Variants in GRM1 observed in about 807,000 individuals in gnomAD.
GRM1 encodes metabotropic glutamate receptor 1.
A neutral mutation model predicts 90.9 loss-of-function variants in GRM1; 33 were observed. The ratio of observed to expected loss-of-function variants is 0.36; its 90% CI spans 0.28 to 0.49. The LOEUF (loss-of-function observed/expected upper bound fraction) is 0.49. Among genes scored for constraint, GRM1 ranks in the 20% least tolerant of loss-of-function variants. GRM1 has a pLI of 0.99. For missense variants in GRM1, 1,190 were observed against 1,534.3 expected (o/e 0.78, Z 3.75); for synonymous variants, 700 against 613.2 (o/e 1.14, Z -2.09).
intron 1 of GRM1, among the ~76,000 whole-genome samples, chr6:146,128,768 C>T (rs1345256746): frequency 2.6e-5 from 4 of 152,118 alleles, no homozygotes; most frequent in Middle Eastern, 6.8e-3. Context: ...TTTGGTGTTT[C>T]CAGAGGTAAA....
At chr6:146,402,024 A>T (rs1777175887) in intron 7 of GRM1, among the ~76,000 whole-genome samples, 1 of 152,132 alleles carries the variant, frequency 6.6e-6, no homozygotes, top group African/African-American at 2.4e-5. Context: ...ACTATTAGAA[A>T]TTTAGAAATT....
At position 146,237,719 on chromosome 6, in the gene GRM1, A is replaced by C. The variant is rs144489854; in HGVS notation, c.951-66892A>C. ...GAGAAATGAGAGTTTGATCAGTGTC[A>C]TTGGTGAACAAGCACAGTAAGACCA... On this transcript the variant is annotated intron_variant, in intron 2 of 7. Transcript: ENST00000282753. Among the ~76,000 whole-genome samples, 465 of 152,212 alleles carry C rather than the reference A, an allele frequency of 3.1e-3. 4 individuals carry two copies. Among genetic ancestry groups the C allele is most frequent in the African/African-American group, 0.011 (445 of 41,552 alleles).
chr6:146,304,596 C>A lies in GRM1; in HGVS notation c.951-15C>A. The A allele has an allele frequency of 1.9e-6, 3 of 1,542,858 alleles. No homozygotes were observed. The highest frequency in any genetic ancestry group is 2.7e-6 in the Non-Finnish European group (3 of 1,115,646). ...TGTCTTTCTCTCTCCCTACCCCAAT[C>A]CCTGCATTTTTTAGTGATGGATGGG... On this transcript the variant is annotated splice_polypyrimidine_tract_variant and intron_variant, in intron 2 of 7. Transcript: ENST00000282753.
intron 1 of GRM1, among the ~76,000 whole-genome samples, chr6:146,096,748 A>G (rs1776887121): frequency 6.6e-6 from 1 of 152,120 alleles, no homozygotes; most frequent in Admixed American, 6.6e-5. Flanking sequence ...CATCATAGGA[A>G]CATGCTTGAG....
chr6:146,416,389 TTTA>T (rs1777784664), intron 7 of GRM1, among the ~76,000 whole-genome samples: 1 of 152,152 alleles, frequency 6.6e-6, no homozygotes, highest in Non-Finnish European at 1.5e-5. Context: ...TCTACATTCT[TTTA>T]TTATTTTTTA....
chr6:146,336,141 C>T (rs1784764463), intron 3 of GRM1, among the ~76,000 whole-genome samples: 1 of 152,166 alleles, frequency 6.6e-6, no homozygotes, highest in African/African-American at 2.4e-5. Flanking sequence ...TAATACACCT[C>T]ACAATCAGTT....
rs1790655320 is a variant in GRM1, at chr6:146,030,192, C to T, written c.675C>T (p.Thr225=). Residue 225 remains threonine (T), a synonymous_variant, in exon 1 of 8, where the codon ACC becomes ACT. Transcript: ENST00000282753. The part of the protein sequence containing the change: ...MLDIVKRYNW[T]YVSAVHTEGN... ...ACATAGTCAAACGTTACAATTGGACCTATGTCTCTGCAGTCCACACGGAAG... is the reference window on the plus strand; with the variant it reads ...ACATAGTCAAACGTTACAATTGGACTTATGTCTCTGCAGTCCACACGGAAG... The T allele has an allele frequency of 1.2e-6, 2 of 1,613,120 alleles. No homozygotes were observed. The highest frequency in any genetic ancestry group is 1.3e-5 in the African/African-American group (1 of 75,020).
intron 2 of GRM1, among the ~76,000 whole-genome samples, chr6:146,198,930 C>T (rs963781178): frequency 3.9e-5 from 6 of 152,298 alleles, no homozygotes; most frequent in Admixed American, 2.0e-4. Flanking sequence ...TCCCTTCAGC[C>T]ATCCAATCCT....
intron 1 of GRM1, among the ~76,000 whole-genome samples, chr6:146,144,592 G>T (rs1777018848): frequency 6.6e-6 from 1 of 152,118 alleles, no homozygotes; most frequent in African/African-American, 2.4e-5. Flanking sequence ...CTCAGTTTTA[G>T]ATATTTTGTT....
In GRM1 at chr6:146,029,961, C is replaced by T. The variant is rs138794480; in HGVS notation, c.444C>T (p.Pro148=). The T allele has an allele frequency of 1.2e-6, 2 of 1,614,032 alleles. No homozygotes were observed. Among genetic ancestry groups the T allele is most frequent in the Non-Finnish European group, 1.7e-6 (2 of 1,179,908 alleles). Residue 148 remains proline, a synonymous_variant, in exon 1 of 8, where the codon CCC becomes CCT. Transcript: ENST00000282753. ...GTCTGCCTGACGGCCAGTCCCTCCC[C>T]CCAGGCAGGACTAAGAAGCCCATTG... ...NRCLPDGQSL[P]PGRTKKPIAG... is the part of the protein sequence containing the mutation.
Position 146,276,820 on chromosome 6 carries a change from G to A in GRM1, c.951-27791G>A, listed in dbSNP as rs933707700. Among the ~76,000 whole-genome samples the A allele has an allele frequency of 3.3e-5, 5 of 152,216 alleles. No homozygotes were observed. The South Asian group carries it at 6.2e-4, about 19-fold the overall frequency. On this transcript the variant is annotated intron_variant, in intron 2 of 7. Transcript: ENST00000282753. ...TTCTTGAGTGTAAAGTTCTCCAGAG[G>A]CAGGGCACGGTGGTTTACGTATGTA...
chr6:146,281,082 C>T (rs555336504), intron 2 of GRM1, among the ~76,000 whole-genome samples: 8 of 152,110 alleles, frequency 5.3e-5, no homozygotes, highest in African/African-American at 1.9e-4. Context: ...AAATAATGCT[C>T]AAAAATTTAA....
At chr6:146,290,140 A>G (rs542417050) in intron 2 of GRM1, among the ~76,000 whole-genome samples, 194 of 152,014 alleles carry the variant, frequency 1.3e-3, no homozygotes, top group Non-Finnish European at 2.2e-3. Flanking sequence ...ACCTTTTGTT[A>G]CTGCATTAAA....
intron 5 of GRM1, among the ~76,000 whole-genome samples, chr6:146,364,135 A>G (rs73785350): frequency 5.4e-4 from 82 of 152,318 alleles, no homozygotes; most frequent in African/African-American, 1.9e-3. Context: ...TCCATCTGCA[A>G]TTGCTCCCAG....
intron 3 of GRM1, among the ~76,000 whole-genome samples, chr6:146,315,279 T>G (rs1009470664): frequency 1.3e-5 from 2 of 151,984 alleles, no homozygotes; most frequent in African/African-American, 4.8e-5. Context: ...CCTAGCTGCT[T>G]GGGAGGCTGA....
In GRM1 at chr6:146,398,777, C is replaced by A; in HGVS notation, c.1738C>A (p.Pro580Thr). 1.9e-6 allele frequency: 3 copies of A among 1,607,690 alleles called. No individual in the cohort carries two copies. The highest frequency in any genetic ancestry group is 2.6e-6 in the Non-Finnish European group (3 of 1,174,140). The stretch of plus-strand genomic sequence containing the variant: ...GATTTTTCTCATCACAGGCTGTGAG[C>A]CCATTCCTGTGCGCTATCTTGAGTG... The part of the protein sequence containing the change: ...WPNADLTGCE[P>T]IPVRYLEWSN... Residue 580 changes from proline (P) to threonine (T), a missense_variant, in exon 7 of 8, where the codon CCC (proline) becomes ACC (threonine). Physicochemically the swap from Pro to Thr is conservative, Grantham distance 38. This residue lies in a region of GRM1 where 414 missense variants were observed against 598.4 expected (regional missense o/e 0.69). Transcript: ENST00000282753.
At position 146,038,765 on chromosome 6, in the gene GRM1, T is replaced by C. The variant is rs9497446; in HGVS notation, c.700+8548T>C. 3.5e-3 allele frequency among the ~76,000 whole-genome samples: 538 copies of C among 152,054 alleles called. 3 individuals are homozygous for C. Among genetic ancestry groups the C allele is most frequent in the African/African-American group, 0.012 (517 of 41,530 alleles). ...ATCAGAGACAGTTTCCTCTGTTCTC[T>C]GTGGTGCTATAACACATTTTATAAT... On this transcript the variant is annotated intron_variant, in intron 1 of 7. Coordinates refer to ENST00000282753, the MANE Select transcript of GRM1 (RefSeq NM_001278064.2).
chr6:146,049,187 G>T (rs758288587), intron 1 of GRM1, among the ~76,000 whole-genome samples: 1 of 151,994 alleles, frequency 6.6e-6, no homozygotes, highest in Non-Finnish European at 1.5e-5. Context: ...TCAGAGGTAT[G>T]TTATTGTGAT....
At chr6:146,419,965 C>T (rs1195832353) in intron 7 of GRM1, among the ~76,000 whole-genome samples, 2 of 152,034 alleles carry the variant, frequency 1.3e-5, no homozygotes, top group African/African-American at 4.8e-5. Context: ...AATGGAAGGA[C>T]CAGAGGAAAC....
Sources: gnomAD v4.1 joint callset for allele counts (sites outside exome capture counted in the v4.1 genomes callset) on GRCh38, gnomAD v4.1.1 for gene constraint, gnomAD v4.1.1 regional missense constraint, MANE v1.5 for transcripts, NCBI Gene and HGNC (gene_info 2026-07-23, HGNC 2026-07-21) for gene names.